Variants in MBOAT2 observed in about 807,000 individuals in gnomAD.
The protein encoded by MBOAT2 is membrane bound glycerophospholipid O-acyltransferase 2.
MBOAT2 carries 28 observed loss-of-function variants against 63.4 expected under a neutral mutation model. The ratio of observed to expected loss-of-function variants is 0.44; its 90% CI spans 0.33 to 0.61. The LOEUF (loss-of-function observed/expected upper bound fraction) is 0.61. MBOAT2 is among the 20% of genes least tolerant of loss of function. The pLI is 0.03. For synonymous variants in MBOAT2, 211 were observed against 215.6 expected (o/e 0.98, Z 0.19); for missense variants, 470 against 605.8 (o/e 0.78, Z 2.35).
At chr2:8,966,553 C>T (rs142689446) in intron 1 of MBOAT2, among the ~76,000 whole-genome samples, 217 of 152,246 alleles carry the variant, frequency 1.4e-3, no homozygotes, top group Admixed American at 4.0e-3. Flanking sequence ...CGTGCAGCTA[C>T]GTTTGGAAAA....
chr2:8,897,398 A>C (rs967039125), intron 4 of MBOAT2, among the ~76,000 whole-genome samples: 3 of 152,178 alleles, frequency 2.0e-5, no homozygotes, highest in African/African-American at 7.2e-5. Flanking sequence ...ACTGCATGCA[A>C]TAACTCCATG....
chr2:8,994,975 C>A (rs1558694975), intron 1 of MBOAT2, among the ~76,000 whole-genome samples: 1 of 152,198 alleles, frequency 6.6e-6, no homozygotes. Flanking sequence ...GATTTAAATT[C>A]CAGCTCGCCA....
At chr2:8,967,460 C>T (rs1050898360) in intron 1 of MBOAT2, among the ~76,000 whole-genome samples, 2 of 152,092 alleles carry the variant, frequency 1.3e-5, no homozygotes, top group African/African-American at 4.8e-5. Context: ...AATGGAAACG[C>T]AAAACATTCT....
intron 4 of MBOAT2, among the ~76,000 whole-genome samples, chr2:8,906,806 CA>C (rs1256726583): frequency 4.6e-5 from 7 of 152,240 alleles, no homozygotes; most frequent in African/African-American, 1.7e-4. Context: ...ACAATAAATT[CA>C]ATTTGCCTAT....
At chr2:8,866,611 T>C (rs1661915374) in intron 9 of MBOAT2, among the ~76,000 whole-genome samples, 1 of 152,240 alleles carries the variant, frequency 6.6e-6, no homozygotes, top group African/African-American at 2.4e-5. Context: ...TTCCTCAACA[T>C]TATCTAATCC....
At chr2:8,987,168 A>T (rs1326467476) in intron 1 of MBOAT2, among the ~76,000 whole-genome samples, 1 of 152,248 alleles carries the variant, frequency 6.6e-6, no homozygotes. Context: ...GTATGTGGAA[A>T]CTAGCTGTAC....
At chr2:8,894,347 G>C (rs1664264259) in intron 4 of MBOAT2, among the ~76,000 whole-genome samples, 3 of 152,206 alleles carry the variant, frequency 2.0e-5, no homozygotes, top group Admixed American at 1.3e-4. Context: ...AATTACATTA[G>C]TGGCAGCTAA....
intron 4 of MBOAT2, among the ~76,000 whole-genome samples, chr2:8,891,417 G>C (rs933352120): frequency 6.6e-6 from 1 of 152,164 alleles, no homozygotes; most frequent in African/African-American, 2.4e-5. Flanking sequence ...AGACTGATGG[G>C]AAAGGGCATA....
At chr2:8,916,821 A>T (rs950667079) in intron 3 of MBOAT2, among the ~76,000 whole-genome samples, 3 of 152,166 alleles carry the variant, frequency 2.0e-5, no homozygotes, top group African/African-American at 7.2e-5. Flanking sequence ...ATTTTCCAAG[A>T]CTGTTTACTA....
chr2:8,932,426 C>CACAAT (rs1352132444), intron 3 of MBOAT2, among the ~76,000 whole-genome samples: 1 of 152,150 alleles, frequency 6.6e-6, no homozygotes, highest in Non-Finnish European at 1.5e-5. Flanking sequence ...AGAAGCCAGT[C>CACAAT]ACAATACAAT....
chr2:8,978,709 T>C (rs913275509), intron 1 of MBOAT2, among the ~76,000 whole-genome samples: 2 of 152,196 alleles, frequency 1.3e-5, no homozygotes, highest in Admixed American at 1.3e-4. Flanking sequence ...AAATAGCTAA[T>C]GCATCGGAGC....
intron 4 of MBOAT2, among the ~76,000 whole-genome samples, chr2:8,907,742 T>G (rs1665435109): frequency 6.6e-6 from 1 of 152,238 alleles, no homozygotes; most frequent in Admixed American, 6.5e-5. Context: ...GAACCTATTT[T>G]TAAAATCTGT....
intron 3 of MBOAT2, among the ~76,000 whole-genome samples, chr2:8,922,815 T>C (rs1666673774): frequency 6.6e-6 from 1 of 152,154 alleles, no homozygotes; most frequent in Admixed American, 6.5e-5. Context: ...TTGATGGCTC[T>C]CTCACTTCCA....
chr2:8,867,150 G>A (rs572711952), intron 9 of MBOAT2, among the ~76,000 whole-genome samples: 1 of 152,176 alleles, frequency 6.6e-6, no homozygotes, highest in South Asian at 2.1e-4. Context: ...CTGAGTAGCT[G>A]GGTCTACAGG....
At chr2:8,926,303 T>C (rs1666928514) in intron 3 of MBOAT2, among the ~76,000 whole-genome samples, 2 of 152,144 alleles carry the variant, frequency 1.3e-5, no homozygotes, top group African/African-American at 4.8e-5. Context: ...CCACTTGAAG[T>C]GTTAAACCAC....
At chr2:8,914,145 C>G (rs1415145013) in intron 3 of MBOAT2, among the ~76,000 whole-genome samples, 1 of 152,102 alleles carries the variant, frequency 6.6e-6, no homozygotes, top group Non-Finnish European at 1.5e-5. Context: ...CAGAATGATA[C>G]AATGGACTCT....
chr2:8,872,759 A>C (rs958214391), intron 8 of MBOAT2, among the ~76,000 whole-genome samples: 5 of 152,264 alleles, frequency 3.3e-5, no homozygotes, highest in African/African-American at 4.8e-5. Context: ...CATAACTGTA[A>C]GCTGAATACA....
rs1331466781 is a variant in MBOAT2 at position 8,964,004 on chromosome 2, T to C, written c.76-5362A>G. ...CAGAGCCCATGCTATTCTACTTCCA[T>C]ATGCACAGGCCCAGAAACACTAGAC... On this transcript the variant is annotated intron_variant, in intron 1 of 12. Coordinates refer to ENST00000305997, the MANE Select transcript of MBOAT2 (RefSeq NM_138799.4). Among the ~76,000 whole-genome samples the C allele has an allele frequency of 2.6e-5, 4 of 152,194 alleles. No individual in the cohort carries two copies. In the East Asian group the frequency reaches 5.8e-4, roughly 22 times the overall value.
chr2:8,897,972 T>A lies in MBOAT2; in HGVS notation c.396-9899A>T, dbSNP rs1664610043. Among the ~76,000 whole-genome samples, 3 of 152,172 alleles carry A rather than the reference T, an allele frequency of 2.0e-5. No homozygotes were observed. The South Asian group carries it at 6.2e-4, about 31-fold the overall frequency. On this transcript the variant is annotated intron_variant, in intron 4 of 12. Coordinates refer to ENST00000305997, the MANE Select transcript of MBOAT2 (RefSeq NM_138799.4). Reference sequence around the variant, plus strand: ...ATCACGAGTAGTTCAGATAGTGAGATCCTTTCCTTGTATTATTTTGATAGC... The same window carrying A: ...ATCACGAGTAGTTCAGATAGTGAGAACCTTTCCTTGTATTATTTTGATAGC...
Sources: allele counts gnomAD v4.1 joint callset (sites outside exome capture counted in the v4.1 genomes callset), GRCh38; gene constraint gnomAD v4.1.1; transcripts MANE v1.5; gene names NCBI Gene and HGNC (gene_info 2026-07-23, HGNC 2026-07-21).